Variants in TSC2 observed in about 807,000 individuals in gnomAD.
TSC2 encodes the protein TSC complex subunit 2, also known as tuberin.
A neutral mutation model predicts 202.2 loss-of-function variants in TSC2; 29 were observed. That is an observed-to-expected ratio of 0.14 (90% confidence interval 0.11 to 0.20). The LOEUF (loss-of-function observed/expected upper bound fraction) is 0.20, where lower values mean the gene tolerates loss of function less well. TSC2 is among the 10% of genes least tolerant of loss of function. TSC2 has a pLI of 1.00. For synonymous variants in TSC2, 1,349 were observed against 1,044.0 expected, an observed-to-expected ratio of 1.29 and a Z score of -5.63; for missense variants, 2,429 against 2,420.0, an observed-to-expected ratio of 1.00 and a Z score of -0.08.
intron 3 of TSC2, 142 bp downstream of exon 3, chr16:2,050,628 G>A (rs2084991964): frequency 3.0e-6 from 2 of 667,950 alleles, no homozygotes; most frequent in East Asian, 2.9e-5. Context: ...TTGAGATGGA[G>A]TCTTGCTCTG....
intron 16 of TSC2, among the ~76,000 whole-genome samples, chr16:2,069,873 A>G (rs1436687649): frequency 6.6e-6 from 1 of 152,156 alleles, no homozygotes; most frequent in East Asian, 1.9e-4. Flanking sequence ...TCAGCCTCCC[A>G]AAGTGCTGGG....
intron 10 of TSC2, 38 bp from the exon 11 acceptor site, chr16:2,060,631 CA>C: frequency 1.2e-6 from 2 of 1,613,622 alleles, no homozygotes; most frequent in Middle Eastern, 3.3e-4. Context: ...AGCAAGCAAG[CA>C]GCTCTGACCC....
At chr16:2,061,669 C>A (rs942903232) in intron 11 of TSC2, 2 of 801,458 alleles carry the variant, frequency 2.5e-6, no homozygotes, top group African/African-American at 1.7e-5. Flanking sequence ...GTCAGGGTGG[C>A]CCCTGGAGAG....
rs746315218 is a variant in TSC2 at position 2,071,872 on chromosome 16, G to A, written c.2035G>A (p.Val679Met). The A allele has an allele frequency of 3.3e-5, 52 of 1,595,930 alleles. No homozygotes were observed. The highest frequency in any genetic ancestry group is 8.6e-5 in the Admixed American group (5 of 58,094). ...PPGPAPAGPA[V>M]RLGSVPYSLL... ...TGGCCCGGCGCCTGCAGGCCCCGCCGTGCGGCTGGGGTCCGTGCCCTACTC... is the reference window on the plus strand; with the variant it reads ...TGGCCCGGCGCCTGCAGGCCCCGCCATGCGGCTGGGGTCCGTGCCCTACTC... The change falls in exon 19 of 42, where the codon GTG (valine) becomes ATG (methionine). Residue 679 changes from valine to methionine, a missense_variant. Transcript: ENST00000219476.
In TSC2 at chr16:2,080,179, C is replaced by G; in HGVS notation, c.3412C>G (p.Arg1138Gly). 1 of 1,612,936 alleles carries G rather than the reference C, an allele frequency of 6.2e-7. No homozygotes were observed. The highest frequency in any genetic ancestry group is 8.5e-7 in the Non-Finnish European group (1 of 1,179,988). The change falls in exon 30 of 42, where the codon CGA becomes GGA. Residue 1138 changes from arginine (R) to glycine (G), a missense_variant. Arg to Gly is a moderately radical substitution (Grantham distance 125). Coordinates refer to ENST00000219476, the MANE Select transcript of TSC2 (RefSeq NM_000548.5). ...CTCTTCTTCAGGGGGCCATGGTCTT[C>G]GAGTTGGCGCCCTGGACGTGCCGGC... ...VRSMSGGHGLRVGALDVPASQ... is the reference protein window; with the variant it reads ...VRSMSGGHGLGVGALDVPASQ...
At chr16:2,077,435 A>C (rs1471140713) in intron 25 of TSC2, 163 bp from the exon 26 acceptor site, 9 of 990,346 alleles carry the variant, frequency 9.1e-6, no homozygotes, top group Non-Finnish European at 1.4e-5. Context: ...CTTCCCCGCT[A>C]ACTGCCCTTT....
In TSC2 at chr16:2,072,441, G is replaced by A. The variant is rs867800523; in HGVS notation, c.2220+78G>A. ...AAAAGACTGCGAGCCTCTGGGCAGA[G>A]CGAGTGAGACCCTTCGGGCTCGGGC... On this transcript the variant is annotated intron_variant, in intron 20 of 41. Coordinates refer to ENST00000219476, the MANE Select transcript of TSC2 (RefSeq NM_000548.5). The A allele has an allele frequency of 8.0e-5, 128 of 1,591,700 alleles. 1 individual carries two copies. The Middle Eastern group carries it at 5.1e-3, about 63-fold the overall frequency.
rs371195832 is a variant in TSC2, at chr16:2,085,332, C to A, written c.4662+10C>A. 1 of 1,612,416 alleles carries A rather than the reference C, an allele frequency of 6.2e-7. No individual in the cohort carries two copies. Among genetic ancestry groups the A allele is most frequent in the Non-Finnish European group, 8.5e-7 (1 of 1,179,854 alleles). On this transcript the variant is annotated intron_variant, in intron 36 of 41. Coordinates refer to ENST00000219476, the MANE Select transcript of TSC2 (RefSeq NM_000548.5). The stretch of plus-strand genomic sequence containing the variant: ...TGTTGGAGAAGGCCAGGTGAGGCTG[C>A]GGGGCCGGCCTAGGTGCCTGGACAG...
intron 18 of TSC2, 67 bp downstream of exon 18, chr16:2,071,683 C>G: frequency 6.2e-7 from 1 of 1,604,540 alleles, no homozygotes; most frequent in East Asian, 2.2e-5. Flanking sequence ...TGTGGTGGCG[C>G]TGTTTGCATG....
At chr16:2,072,215 T>G in intron 19 of TSC2, 26 bp from the exon 20 acceptor site, 2 of 1,613,668 alleles carry the variant, frequency 1.2e-6, no homozygotes, top group Non-Finnish European at 1.7e-6. Flanking sequence ...CAGAAGGCCC[T>G]GTCCTGACGC....
At chr16:2,081,931 T>C (rs2090192865) in intron 31 of TSC2, 133 bp downstream of exon 31, 1 of 1,267,786 alleles carries the variant, frequency 7.9e-7, no homozygotes, top group South Asian at 1.3e-5. Flanking sequence ...CTCAGCACCA[T>C]TGTTCTCCGG....
rs45492397 is a variant in TSC2, at chr16:2,071,530, G to A, written c.1860G>A (p.Leu620=). ...GACAGGCCTTTGACTTCCTGTTGCT[G>A]CTGCGGGCCGACTCACTGCACCGCC... ...IRLQAFDFLL[L]LRADSLHRLG... Residue 620 remains leucine, a synonymous_variant, in exon 18 of 42, where the codon CTG becomes CTA. Transcript: ENST00000219476. 1.3e-4 allele frequency: 214 copies of A among 1,613,522 alleles called. 1 individual carries two copies. In the African/African-American group the frequency reaches 2.7e-3, roughly 20 times the overall value.
At chr16:2,086,517 C>T (rs376469926) in intron 37 of TSC2, 138 bp downstream of exon 37, 3 of 1,421,076 alleles carry the variant, frequency 2.1e-6, no homozygotes, top group East Asian at 2.5e-5. Flanking sequence ...GGTTCCGAGC[C>T]TAACAGCGTG....
In TSC2 at chr16:2,048,765, A is replaced by G. The variant is rs2150974497; in HGVS notation, c.138+12A>G. ...CGGAAATACTGAGAGTGAGTGAGCT[A>G]CCTGTGTCTTTGCTAGGCTAGAGGG... On this transcript the variant is annotated intron_variant, in intron 2 of 41. Transcript: ENST00000219476. The G allele has an allele frequency of 6.2e-7, 1 of 1,613,928 alleles. No individual in the cohort carries two copies. The highest frequency in any genetic ancestry group is 8.5e-7 in the Non-Finnish European group (1 of 1,179,978).
At position 2,079,733 on chromosome 16, in the gene TSC2, A is replaced by G. The variant is rs547083070; in HGVS notation, c.3397+64A>G. On this transcript the variant is annotated intron_variant, in intron 29 of 41. Transcript: ENST00000219476. This position sits in a 1 kb window ranked among gnomAD's most constrained non-coding sequence, Gnocchi z 4.6. ...GGCTCCCTCAGTTGCTGCTGGTCCCAGTGTTCAGGAAGGCCCCGAGCCCAG... is the reference window on the plus strand; with the variant it reads ...GGCTCCCTCAGTTGCTGCTGGTCCCGGTGTTCAGGAAGGCCCCGAGCCCAG... 6.7e-7 allele frequency: 1 copy of G among 1,503,434 alleles called. No individual in the cohort carries two copies. Among genetic ancestry groups the G allele is most frequent in the Non-Finnish European group, 9.0e-7 (1 of 1,116,450 alleles). 93.1% of individuals were successfully genotyped at this position (1,503,434 alleles called of 1,614,324 possible).
intron 38 of TSC2, among the ~76,000 whole-genome samples, chr16:2,087,646 CTGTGGCTGCAGCATA>C (rs1264203949): frequency 1.3e-5 from 2 of 152,180 alleles, no homozygotes; most frequent in African/African-American, 4.8e-5. Context: ...GGTGTCTTGC[CTGTGGCTGCAGCATA>C]TGTGGGTGCT....
rs1320888448 is a variant in TSC2 at position 2,079,092 on chromosome 16, C to G, written c.3027C>G (p.Ala1009=). The change falls in exon 27 of 42, where the codon GCC becomes GCG. Residue 1009 remains alanine, a synonymous_variant. Transcript: ENST00000219476. This position sits in a 1 kb window ranked among gnomAD's most constrained non-coding sequence, Gnocchi z 4.6. ...GGTCTGCAGATGAGAACTCCGTGGC[C>G]CAGGCTGACGATAGCCTGAAAAACC... ...SLGSADENSV[A]QADDSLKNLH... 1.9e-6 allele frequency: 3 copies of G among 1,613,024 alleles called. No homozygotes were observed. Among genetic ancestry groups the G allele is most frequent in the East Asian group, 4.5e-5 (2 of 44,882 alleles).
At chr16:2,049,357 A>G (rs2084795220) in intron 2 of TSC2, among the ~76,000 whole-genome samples, 1 of 151,080 alleles carries the variant, frequency 6.6e-6, no homozygotes, top group Admixed American at 6.6e-5. Context: ...AAGTGCTGGG[A>G]TTACAGGCAT....
At chr16:2,059,338 C>CTTTT (rs1180610775) in intron 10 of TSC2, among the ~76,000 whole-genome samples, 5 of 124,698 alleles carry the variant, frequency 4.0e-5, no homozygotes, top group African/African-American at 6.2e-5. Flanking sequence ...TTCTCTCTCT[C>CTTTT]TTTTTTTTTT....
Sources: gnomAD v4.1 joint callset for allele counts (sites outside exome capture counted in the v4.1 genomes callset) on GRCh38, gnomAD v4.1.1 for gene constraint, Gnocchi (gnomAD v3.1) non-coding constraint, MANE v1.5 for transcripts, NCBI Gene and HGNC (gene_info 2026-07-23, HGNC 2026-07-21) for gene names.